GRID2: variants seen among roughly 807,000 people sequenced by gnomAD.
The protein encoded by GRID2 is glutamate ionotropic receptor delta type subunit 2, also known as glutamate receptor ionotropic, delta-2.
In GRID2, 33 loss-of-function variants were observed where a neutral mutation model predicts 114.8. The ratio of observed to expected loss-of-function variants is 0.29; its 90% confidence interval spans 0.22 to 0.38. The LOEUF is 0.38. Among genes scored for constraint, GRID2 ranks in the 10% least tolerant of loss-of-function variants. The probability of loss-of-function intolerance (pLI) is 1.00; values close to 1 mark genes in which losing one functional copy is unlikely to be tolerated. For missense variants in GRID2, 1,184 were observed against 1,257.7 expected, an observed-to-expected ratio of 0.94 and a Z score of 0.89; for synonymous variants, 505 against 449.9, an observed-to-expected ratio of 1.12 and a Z score of -1.55.
In GRID2 at chr4:93,420,498, G is replaced by A. The variant is rs532570125; in HGVS notation, c.1348-2273G>A. 1.3e-4 allele frequency among the ~76,000 whole-genome samples: 20 copies of A among 152,066 alleles called. No homozygotes were observed. The East Asian group carries it at 3.9e-3, about 29-fold the overall frequency. ...AATATATGAATATTTGGAATATCAA[G>A]ATGTGTTGTATTTTACCAATAATAT... On this transcript the variant is annotated intron_variant, in intron 9 of 15. Coordinates refer to ENST00000282020, the MANE Select transcript of GRID2 (RefSeq NM_001510.4).
At chr4:92,951,493 A>C (rs1752035069) in intron 2 of GRID2, among the ~76,000 whole-genome samples, 1 of 151,958 alleles carries the variant, frequency 6.6e-6, no homozygotes, top group Admixed American at 6.6e-5. Context: ...GGTACACTCC[A>C]CCACAACTGG....
intron 8 of GRID2, among the ~76,000 whole-genome samples, chr4:93,279,727 G>C (rs1752456139): frequency 6.6e-6 from 1 of 151,870 alleles, no homozygotes; most frequent in African/African-American, 2.4e-5. Flanking sequence ...AGAATGAACA[G>C]AGTTATTATG....
At chr4:93,559,936 G>A (rs1734724450) in intron 13 of GRID2, among the ~76,000 whole-genome samples, 1 of 152,050 alleles carries the variant, frequency 6.6e-6, no homozygotes, top group Non-Finnish European at 1.5e-5. Flanking sequence ...CAGGGACATA[G>A]ATGAAGCTGG....
chr4:92,774,629 CTGAAG>C, intron 2 of GRID2, among the ~76,000 whole-genome samples: 1 of 133,190 alleles, frequency 7.5e-6, no homozygotes, highest in Non-Finnish European at 1.5e-5. Context: ...GTCACCCAGG[CTGAAG>C]TGCAGTGCAG....
At chr4:92,998,943 T>TG (rs1755371079) in intron 2 of GRID2, among the ~76,000 whole-genome samples, 1 of 151,924 alleles carries the variant, frequency 6.6e-6, no homozygotes, top group African/African-American at 2.4e-5. Context: ...ACTGCTATGG[T>TG]GATCAATAAT....
At chr4:93,030,825 A>G (rs1359546444) in intron 2 of GRID2, among the ~76,000 whole-genome samples, 2 of 152,014 alleles carry the variant, frequency 1.3e-5, no homozygotes, top group Non-Finnish European at 2.9e-5. Flanking sequence ...AGGGGATGAG[A>G]CAGAGAGAGA....
intron 4 of GRID2, among the ~76,000 whole-genome samples, chr4:93,125,085 A>T (rs1177120613): frequency 6.6e-6 from 1 of 152,026 alleles, no homozygotes; most frequent in African/African-American, 2.4e-5. Flanking sequence ...TATAGCCAAG[A>T]TACCTAAATC....
At chr4:92,472,954 G>A (rs189496715) in intron 1 of GRID2, among the ~76,000 whole-genome samples, 154 of 151,788 alleles carry the variant, frequency 1.0e-3, no homozygotes, top group African/African-American at 3.4e-3. Context: ...TTATTTTAGC[G>A]TTGTGTCTAT....
At chr4:92,594,650 A>G (rs1000645921) in intron 2 of GRID2, among the ~76,000 whole-genome samples, 1 of 151,924 alleles carries the variant, frequency 6.6e-6, no homozygotes, top group African/African-American at 2.4e-5. Context: ...CACAGTACTC[A>G]TTACCACCAA....
intron 2 of GRID2, among the ~76,000 whole-genome samples, chr4:92,918,923 A>G (rs930429970): frequency 6.6e-6 from 1 of 152,182 alleles, no homozygotes; most frequent in Non-Finnish European, 1.5e-5. Context: ...TTCAGAAGGA[A>G]TGGTACCAGT....
At chr4:93,425,520 T>A (rs1405376130) in intron 10 of GRID2, among the ~76,000 whole-genome samples, 1 of 152,176 alleles carries the variant, frequency 6.6e-6, no homozygotes, top group Admixed American at 6.5e-5. Context: ...ATCTTCCCTG[T>A]CATAGGCAAC....
At chr4:93,761,749 C>T (rs1316807850) in intron 14 of GRID2, among the ~76,000 whole-genome samples, 2 of 152,070 alleles carry the variant, frequency 1.3e-5, no homozygotes, top group Non-Finnish European at 2.9e-5. Context: ...CTAATAGTTT[C>T]CCTTACACTA....
intron 13 of GRID2, among the ~76,000 whole-genome samples, chr4:93,540,301 T>A (rs1732534308): frequency 6.6e-6 from 1 of 152,068 alleles, no homozygotes; most frequent in African/African-American, 2.4e-5. Context: ...TTGTATGGAT[T>A]GGCCTTTAAC....
intron 2 of GRID2, among the ~76,000 whole-genome samples, chr4:92,691,839 C>T (rs978254100): frequency 6.6e-6 from 1 of 151,982 alleles, no homozygotes; most frequent in Non-Finnish European, 1.5e-5. Flanking sequence ...TTACCACCCT[C>T]ATGTACTTAT....
At chr4:92,900,447 A>G (rs1747483734) in intron 2 of GRID2, among the ~76,000 whole-genome samples, 1 of 152,134 alleles carries the variant, frequency 6.6e-6, no homozygotes, top group Non-Finnish European at 1.5e-5. Context: ...ATTTCATACT[A>G]TATGTCCATG....
chr4:92,888,904 A>G (rs758678164), intron 2 of GRID2, among the ~76,000 whole-genome samples: 4 of 152,038 alleles, frequency 2.6e-5, no homozygotes, highest in Non-Finnish European at 5.9e-5. Context: ...TTCATGCTAC[A>G]TATTATCTGT....
At chr4:93,610,998 T>C (rs1341191098) in intron 13 of GRID2, among the ~76,000 whole-genome samples, 2 of 131,776 alleles carry the variant, frequency 1.5e-5, no homozygotes, top group African/African-American at 6.3e-5. Context: ...CAGAGCCTGT[T>C]ATTGGTCTAT....
chr4:93,506,882 T>C (rs77810775), intron 12 of GRID2, among the ~76,000 whole-genome samples: 4,622 of 152,272 alleles, frequency 0.03, 104 homozygotes, highest in Non-Finnish European at 0.047. Context: ...TCTGGCACCA[T>C]AACAGGAAGG....
intron 8 of GRID2, chr4:93,282,357 C>T (rs553671113): frequency 3.1e-5 from 14 of 445,252 alleles, no homozygotes; most frequent in African/African-American, 6.1e-5. Context: ...TTATAAAATA[C>T]ATAACTTTAT....
Sources: gnomAD v4.1 joint callset for allele counts (sites outside exome capture counted in the v4.1 genomes callset) on GRCh38, gnomAD v4.1.1 for gene constraint, MANE v1.5 for transcripts, NCBI Gene and HGNC (gene_info 2026-07-23, HGNC 2026-07-21) for gene names.